MTHFD2L: variants seen among roughly 807,000 people sequenced by gnomAD.
The protein encoded by MTHFD2L is bifunctional methylenetetrahydrofolate dehydrogenase/cyclohydrolase 2, mitochondrial.
A neutral mutation model predicts 34.9 loss-of-function variants in MTHFD2L; 29 were observed. The ratio of observed to expected loss-of-function variants is 0.83; its 90% CI spans 0.62 to 1.13. The LOEUF (loss-of-function observed/expected upper bound fraction) is 1.13, where lower values mean the gene tolerates loss of function less well. Among genes scored for constraint, MTHFD2L ranks in the 50% most tolerant of loss-of-function variants. The pLI is 0.00. For missense variants in MTHFD2L, 481 were observed against 446.5 expected (o/e 1.08, Z -0.70); for synonymous variants, 167 against 155.7 (o/e 1.07, Z -0.54).
In MTHFD2L at chr4:74,199,838, A is replaced by C; in HGVS notation, c.496A>C (p.Lys166Gln). 2 of 1,613,404 alleles carry C rather than the reference A, an allele frequency of 1.2e-6. No homozygotes were observed. The highest frequency in any genetic ancestry group is 2.2e-5 in the South Asian group (2 of 90,984). Residue 166 changes from lysine (K) to glutamine (Q), a missense_variant, in exon 4 of 8, where the codon AAA becomes CAA. Lys to Gln is a moderately conservative substitution (Grantham distance 53). Coordinates refer to ENST00000325278, the MANE Select transcript of MTHFD2L (RefSeq NM_001144978.3). ...AATATGCAATGGAATTGCCCCAGAA[A>C]AAGATGTAGATGGATTTCATATTAT... ...RTICNGIAPE[K>Q]DVDGFHIINI...
At chr4:74,156,461 A>G (rs1400118266), upstream of MTHFD2L, 1 of 152,126 alleles carries the variant, frequency 6.6e-6, no homozygotes, top group Admixed American at 6.5e-5. Flanking sequence ...TGAATATTTC[A>G]CCGCTTATTT....
At chr4:74,279,941 T>C (rs1329684009) in intron 6 of MTHFD2L, among the ~76,000 whole-genome samples, 1 of 152,112 alleles carries the variant, frequency 6.6e-6, no homozygotes, top group Non-Finnish European at 1.5e-5. Context: ...TTATAGCCTT[T>C]AAACTCTTGC....
chr4:74,235,359 T>C (rs1740693070), intron 6 of MTHFD2L, among the ~76,000 whole-genome samples: 1 of 152,132 alleles, frequency 6.6e-6, no homozygotes, highest in South Asian at 2.1e-4. Context: ...ACTAAGTATA[T>C]GGTGTTGCCA....
intron 5 of MTHFD2L, among the ~76,000 whole-genome samples, chr4:74,221,895 C>T (rs2110111907): frequency 6.6e-6 from 1 of 151,752 alleles, no homozygotes; most frequent in East Asian, 1.9e-4. Context: ...TCTTAATTCT[C>T]TATTTATTTA....
At chr4:74,271,551 C>A (rs1020124469) in intron 6 of MTHFD2L, among the ~76,000 whole-genome samples, 32 of 152,172 alleles carry the variant, frequency 2.1e-4, no homozygotes, top group African/African-American at 7.7e-4. Flanking sequence ...GGTACCAGTA[C>A]CATGCTGTTT....
At chr4:74,266,209 T>C (rs1414197620) in intron 6 of MTHFD2L, among the ~76,000 whole-genome samples, 1 of 152,130 alleles carries the variant, frequency 6.6e-6, no homozygotes, top group African/African-American at 2.4e-5. Flanking sequence ...AGAGGTTTCA[T>C]ATAAGTATCA....
chr4:74,255,710 G>T (rs1443958252), intron 6 of MTHFD2L, among the ~76,000 whole-genome samples: 2 of 152,068 alleles, frequency 1.3e-5, no homozygotes, highest in Non-Finnish European at 2.9e-5. Flanking sequence ...ATTACCTAAT[G>T]TTTAGCTCCC....
intron 6 of MTHFD2L, among the ~76,000 whole-genome samples, chr4:74,253,187 A>C (rs766821923): frequency 2.0e-5 from 3 of 152,136 alleles, no homozygotes; most frequent in Non-Finnish European, 4.4e-5. Flanking sequence ...TTCCTTTACA[A>C]TGATTCTAGT....
At chr4:74,137,244 T>C (rs1249572141) in intron 1 of MTHFD2L, among the ~76,000 whole-genome samples, 1 of 152,104 alleles carries the variant, frequency 6.6e-6, no homozygotes, top group Non-Finnish European at 1.5e-5. Flanking sequence ...CTAGAGTATA[T>C]AGAAATCTCA....
intron 6 of MTHFD2L, among the ~76,000 whole-genome samples, chr4:74,247,007 T>G (rs1742562912): frequency 6.6e-6 from 1 of 150,624 alleles, no homozygotes; most frequent in African/African-American, 2.4e-5. Context: ...TTTTTCCAAT[T>G]CTGTGAAGAA....
chr4:74,128,240 G>C (rs1203533403), intron 1 of MTHFD2L, among the ~76,000 whole-genome samples: 1 of 152,088 alleles, frequency 6.6e-6, no homozygotes, highest in East Asian at 1.9e-4. Flanking sequence ...AAGCTTTTTA[G>C]CTTTATGTAA....
At chr4:74,184,399 A>G (rs1410022282) in intron 3 of MTHFD2L, among the ~76,000 whole-genome samples, 1 of 152,224 alleles carries the variant, frequency 6.6e-6, no homozygotes, top group Non-Finnish European at 1.5e-5. Flanking sequence ...AGTATATTTC[A>G]GAGCAGAAAA....
intron 6 of MTHFD2L, among the ~76,000 whole-genome samples, chr4:74,276,278 G>A (rs1247549219): frequency 1.3e-5 from 2 of 152,078 alleles, no homozygotes; most frequent in African/African-American, 2.4e-5. Flanking sequence ...TCATCTTTCT[G>A]AGCAAGAGTT....
At chr4:74,267,512 G>A (rs932648773) in intron 6 of MTHFD2L, among the ~76,000 whole-genome samples, 6 of 145,664 alleles carry the variant, frequency 4.1e-5, no homozygotes, top group African/African-American at 1.0e-4. Context: ...CTGCCCACCC[G>A]GGCTTAAGCA....
chr4:74,197,717 G>A (rs2081152122), intron 3 of MTHFD2L, among the ~76,000 whole-genome samples: 1 of 152,038 alleles, frequency 6.6e-6, no homozygotes, highest in Non-Finnish European at 1.5e-5. Flanking sequence ...CTTTAAAATG[G>A]GCATGATCAT....
chr4:74,260,230 T>A (rs1284376051), intron 6 of MTHFD2L, among the ~76,000 whole-genome samples: 1 of 152,170 alleles, frequency 6.6e-6, no homozygotes, highest in African/African-American at 2.4e-5. Flanking sequence ...TTGGAGCCAG[T>A]TGGGGCCAGG....
At chr4:74,135,089 G>A (rs1722813308) in intron 1 of MTHFD2L, among the ~76,000 whole-genome samples, 1 of 152,070 alleles carries the variant, frequency 6.6e-6, no homozygotes, top group Admixed American at 6.6e-5. Flanking sequence ...ACATGAGAAA[G>A]ATATAAATAT....
chr4:74,299,953 G>A lies in MTHFD2L; in HGVS notation c.932-1744G>A, dbSNP rs1374727764. Among the ~76,000 whole-genome samples the A allele has an allele frequency of 2.0e-5, 3 of 152,020 alleles. No homozygotes were observed. The East Asian group carries it at 5.8e-4, about 29-fold the overall frequency. Reference sequence around the variant, plus strand: ...ATTGTAGACAGGTGACATTTCATTGGCTTTCAGGAAATAATGAGTTTCTTG... The same window carrying A: ...ATTGTAGACAGGTGACATTTCATTGACTTTCAGGAAATAATGAGTTTCTTG... On this transcript the variant is annotated intron_variant, in intron 7 of 7. Transcript: ENST00000325278.
chr4:74,166,754 C>T (rs551644703), intron 1 of MTHFD2L, among the ~76,000 whole-genome samples: 1 of 152,334 alleles, frequency 6.6e-6, no homozygotes, highest in Middle Eastern at 3.4e-3. Flanking sequence ...AGCTGAGCCT[C>T]TGCAGACTTA....
Sources: allele counts gnomAD v4.1 joint callset (sites outside exome capture counted in the v4.1 genomes callset), GRCh38; gene constraint gnomAD v4.1.1; transcripts MANE v1.5; gene names NCBI Gene and HGNC (gene_info 2026-07-23, HGNC 2026-07-21).